SPATA21: variants seen among roughly 807,000 people sequenced by gnomAD.
SPATA21 encodes spermatogenesis associated 21.
SPATA21 carries 47 observed loss-of-function variants against 54.8 expected under a neutral mutation model. The observed-to-expected ratio is 0.86, with a 90% CI of 0.68 to 1.09. The LOEUF is 1.09. Among genes scored for constraint, SPATA21 ranks in the 50% least tolerant of loss-of-function variants. The pLI is 0.00. For synonymous variants in SPATA21, 245 were observed against 235.3 expected, an observed-to-expected ratio of 1.04 and a Z score of -0.38; for missense variants, 599 against 596.4, an observed-to-expected ratio of 1.00 and a Z score of -0.05.
At position 16,399,384 on chromosome 1, in the gene SPATA21, T is replaced by C. The variant is rs2085372755; in HGVS notation, c.1312A>G (p.Ile438Val). The change falls in exon 12 of 13, where the codon ATC (isoleucine) becomes GTC (valine). Residue 438 changes from isoleucine to valine, a missense_variant. Transcript: ENST00000335496. Reference protein sequence around the residue: ...QCTPPGLDPDIRSPFFQSGSQ... With the variant: ...QCTPPGLDPDVRSPFFQSGSQ... ...CCTGACTGGAAGAAGGGGCTGCGGA[T>C]GTCAGGATCCAGGCCAGGGGGTGTG... is the stretch of plus-strand genomic sequence containing the variant. 6.2e-7 allele frequency: 1 copy of C among 1,613,958 alleles called. No homozygotes were observed. Among genetic ancestry groups the C allele is most frequent in the Admixed American group, 1.7e-5 (1 of 59,986 alleles).
chr1:16,401,990 C>T (rs2085461574), intron 10 of SPATA21, among the ~76,000 whole-genome samples: 1 of 152,176 alleles, frequency 6.6e-6, no homozygotes, highest in Non-Finnish European at 1.5e-5. Context: ...CCTCTTACTC[C>T]AGCCGTCTAC....
Position 16,403,746 on chromosome 1 carries a change from C to T in SPATA21, c.982G>A (p.Val328Ile). Residue 328 changes from valine to isoleucine, a missense_variant, in exon 10 of 13, where the codon GTC becomes ATC. Val to Ile is a conservative substitution (Grantham distance 29). Coordinates refer to ENST00000335496, the MANE Select transcript of SPATA21 (RefSeq NM_198546.1). ...LVEMLALPEA[V>I]LEEITNYYQK... ...ACTCACTTTGTGATTTCCTCTAAGA[C>T]TGCCTCTGGTAAGGCCAGCATCTCT... 1.2e-6 allele frequency: 2 copies of T among 1,614,046 alleles called. No homozygotes were observed. The highest frequency in any genetic ancestry group is 1.3e-5 in the African/African-American group (1 of 75,040).
At chr1:16,403,342 C>A (rs922038966) in intron 10 of SPATA21, among the ~76,000 whole-genome samples, 1 of 152,136 alleles carries the variant, frequency 6.6e-6, no homozygotes, top group Non-Finnish European at 1.5e-5. Context: ...AAAGCCAGTG[C>A]GCACAGACAT....
chr1:16,405,507 A>C (rs1488296142), intron 7 of SPATA21, among the ~76,000 whole-genome samples: 6 of 150,242 alleles, frequency 4.0e-5, no homozygotes, highest in Admixed American at 2.0e-4. Context: ...AAAAAAAAAA[A>C]AAAAAAAACT....
chr1:16,427,864 C>T (rs992224110), intron 3 of SPATA21: 11 of 1,547,332 alleles, frequency 7.1e-6, no homozygotes, highest in Non-Finnish European at 9.6e-6. Context: ...CTCAGCTCAC[C>T]CTGGTCTTGC....
intron 3 of SPATA21, among the ~76,000 whole-genome samples, chr1:16,429,462 A>ATTTG (rs1177108798): frequency 2.0e-5 from 3 of 150,818 alleles, no homozygotes; most frequent in East Asian, 4.0e-4. Flanking sequence ...TATTTTATTT[A>ATTTG]TTTGTTTGTT....
intron 3 of SPATA21, chr1:16,427,802 CCG>C: frequency 6.7e-7 from 1 of 1,495,040 alleles, no homozygotes; most frequent in Non-Finnish European, 9.0e-7. Flanking sequence ...TCTCTCTCCC[CCG>C]CGGGTGGGCT....
chr1:16,427,968 T>C, intron 3 of SPATA21: 1 of 1,549,808 alleles, frequency 6.5e-7, no homozygotes, highest in Non-Finnish European at 8.7e-7. Flanking sequence ...GTGAAGCTGA[T>C]GAGAGGTGCT....
intron 3 of SPATA21, among the ~76,000 whole-genome samples, chr1:16,426,241 A>G (rs1420483942): frequency 2.0e-5 from 3 of 151,844 alleles, no homozygotes; most frequent in East Asian, 2.0e-4. Context: ...GCTTCTTCCT[A>G]TGCGTATGCA....
chr1:16,426,579 A>ATATATT (rs1401259793), intron 3 of SPATA21, among the ~76,000 whole-genome samples: 7 of 107,154 alleles, frequency 6.5e-5, no homozygotes, highest in African/African-American at 2.3e-4. Flanking sequence ...ATATATATAT[A>ATATATT]TTTTTTTTTT....
At chr1:16,435,894 A>G (rs572169423) in intron 1 of SPATA21, among the ~76,000 whole-genome samples, 12 of 152,276 alleles carry the variant, frequency 7.9e-5, no homozygotes, top group Non-Finnish European at 1.0e-4. Flanking sequence ...ATTTTCTCCC[A>G]TTATGTGGAT....
chr1:16,425,707 G>A (rs1309470141), intron 3 of SPATA21: 1 of 1,549,656 alleles, frequency 6.5e-7, no homozygotes. Context: ...ACCCTTCCTG[G>A]GGGACCCAAG....
chr1:16,408,295 T>C (rs1373497439), intron 7 of SPATA21, among the ~76,000 whole-genome samples: 1 of 151,810 alleles, frequency 6.6e-6, no homozygotes. Context: ...GAGAGCAGGG[T>C]AGGTGTTCAG....
chr1:16,406,127 T>C (rs963011767), intron 7 of SPATA21, among the ~76,000 whole-genome samples: 1 of 152,012 alleles, frequency 6.6e-6, no homozygotes, highest in Non-Finnish European at 1.5e-5. Flanking sequence ...TCTTTTCTTT[T>C]TTTTTTTGGT....
intron 7 of SPATA21, among the ~76,000 whole-genome samples, chr1:16,407,927 G>A (rs1019270603): frequency 2.6e-5 from 4 of 152,080 alleles, no homozygotes; most frequent in South Asian, 2.1e-4. Context: ...TACCATGTCC[G>A]GCTAATTTTT....
Position 16,409,540 on chromosome 1 carries a change from G to A in SPATA21, c.587+61C>T, listed in dbSNP as rs1570127375. On this transcript the variant is annotated intron_variant, in intron 6 of 12. Transcript: ENST00000335496. This position sits in a 1 kb window ranked among gnomAD's most constrained non-coding sequence, Gnocchi z 4.1. ...GTGCAGGGACAGGGACCTGCATCCG[G>A]GACAAGGCTCTGATCTTGGGGCCTT... The A allele has an allele frequency of 6.5e-7, 1 of 1,536,688 alleles. No individual in the cohort carries two copies. The highest frequency in any genetic ancestry group is 8.8e-7 in the Non-Finnish European group (1 of 1,138,994).
Position 16,428,032 on chromosome 1 carries a change from A to G in SPATA21, c.34+3306T>C. On this transcript the variant is annotated intron_variant, in intron 3 of 12. Coordinates refer to ENST00000335496, the MANE Select transcript of SPATA21 (RefSeq NM_198546.1). The surrounding 1 kb of genome is among the most constrained non-coding windows in gnomAD (Gnocchi z 4.3). ...AAACATGACCTGGACAGAGATATCC[A>G]TGGCAGTGGCTTGAGGGCTGGCATT... 7 of 1,538,768 alleles carry G rather than the reference A, an allele frequency of 4.5e-6. No individual in the cohort carries two copies. The highest frequency in any genetic ancestry group is 6.2e-6 in the Non-Finnish European group (7 of 1,137,404).
chr1:16,417,438 C>CTTT (rs550527293), intron 5 of SPATA21, among the ~76,000 whole-genome samples: 5 of 124,780 alleles, frequency 4.0e-5, no homozygotes, highest in African/African-American at 1.5e-4. Flanking sequence ...TTTTTGTGGG[C>CTTT]TTTTTTTTTT....
At chr1:16,399,657 G>A in intron 11 of SPATA21, 136 bp from the exon 12 acceptor site, 1 of 974,958 alleles carries the variant, frequency 1.0e-6, no homozygotes, top group Non-Finnish European at 1.5e-6. Context: ...ACCTCTCTAA[G>A]CTTCTGAGCT....
Sources: gnomAD v4.1 joint callset for allele counts (sites outside exome capture counted in the v4.1 genomes callset) on GRCh38, gnomAD v4.1.1 for gene constraint, Gnocchi (gnomAD v3.1) non-coding constraint, MANE v1.5 for transcripts, NCBI Gene and HGNC (gene_info 2026-07-23, HGNC 2026-07-21) for gene names.